Variants in TMTC2 observed in about 807,000 individuals in gnomAD.
The protein encoded by TMTC2 is transmembrane O-mannosyltransferase targeting cadherins 2, also known as protein O-mannosyl-transferase TMTC2.
A neutral mutation model predicts 82.4 loss-of-function variants in TMTC2; 43 were observed. The observed-to-expected ratio is 0.52, with a 90% CI of 0.41 to 0.67. The LOEUF (loss-of-function observed/expected upper bound fraction) is 0.67, where lower values mean the gene tolerates loss of function less well. TMTC2 is among the 30% of genes least tolerant of loss of function. The probability of loss-of-function intolerance (pLI) is 0.00; values close to 1 mark genes in which losing one functional copy is unlikely to be tolerated. For synonymous variants in TMTC2, 408 were observed against 381.9 expected (o/e 1.07, Z -0.80); for missense variants, 919 against 1,012.4 (o/e 0.91, Z 1.25).
rs1878131154 is a variant in TMTC2, at chr12:82,965,106, G to A, written c.1681G>A (p.Ala561Thr). 1 of 1,606,472 alleles carries A rather than the reference G, an allele frequency of 6.2e-7. No homozygotes were observed. The highest frequency in any genetic ancestry group is 1.3e-5 in the African/African-American group (1 of 74,570). ...KLAIGSRPTLASAYLNTGIIL... is the reference protein window; with the variant it reads ...KLAIGSRPTLTSAYLNTGIIL... ...GGCCATTGGGAGCAGGCCTACCCTG[G>A]CTTGTAAGTAATACTCAAGTGTTTA... Residue 561 changes from alanine to threonine, a missense_variant, in exon 5 of 12, where the codon GCT becomes ACT. Coordinates refer to ENST00000321196, the MANE Select transcript of TMTC2 (RefSeq NM_152588.3).
intron 11 of TMTC2, among the ~76,000 whole-genome samples, chr12:83,094,320 G>A (rs1346305558): frequency 1.3e-5 from 2 of 152,172 alleles, no homozygotes; most frequent in African/African-American, 4.8e-5. Flanking sequence ...CTGCTCTGGG[G>A]AGCATTTCCA....
intron 8 of TMTC2, among the ~76,000 whole-genome samples, chr12:83,011,061 C>G (rs1880434303): frequency 6.6e-6 from 1 of 152,190 alleles, no homozygotes; most frequent in Non-Finnish European, 1.5e-5. Flanking sequence ...TCTTGAACTC[C>G]TGACCTCAGG....
chr12:82,796,374 A>C (rs2137029695), intron 1 of TMTC2, among the ~76,000 whole-genome samples: 1 of 152,276 alleles, frequency 6.6e-6, no homozygotes, highest in South Asian at 2.1e-4. Context: ...TCTCATGGTA[A>C]ATTGAGCCCT....
chr12:82,821,402 G>A (rs1302416962), intron 1 of TMTC2, among the ~76,000 whole-genome samples: 1 of 152,116 alleles, frequency 6.6e-6, no homozygotes, highest in African/African-American at 2.4e-5. Flanking sequence ...ATCAACTCAT[G>A]TTGGTAATGA....
At chr12:82,971,856 C>A (rs1226629602) in intron 7 of TMTC2, among the ~76,000 whole-genome samples, 1 of 151,642 alleles carries the variant, frequency 6.6e-6, no homozygotes, top group Non-Finnish European at 1.5e-5. Flanking sequence ...AGCACAGAGG[C>A]AGCAGACATA....
chr12:83,007,293 T>G (rs143697586), intron 8 of TMTC2, among the ~76,000 whole-genome samples: 291 of 152,344 alleles, frequency 1.9e-3, no homozygotes, highest in African/African-American at 6.3e-3. Context: ...GTTGTTGATA[T>G]GAGCTCTTTG....
chr12:83,068,904 T>C (rs1471974654), intron 11 of TMTC2, among the ~76,000 whole-genome samples: 1 of 152,080 alleles, frequency 6.6e-6, no homozygotes, highest in Non-Finnish European at 1.5e-5. Context: ...GTATCATTCT[T>C]ATGCCTTTGC....
At chr12:83,049,028 T>C (rs1019188992) in intron 9 of TMTC2, among the ~76,000 whole-genome samples, 1 of 152,236 alleles carries the variant, frequency 6.6e-6, no homozygotes, top group Non-Finnish European at 1.5e-5. Context: ...GAAGAAATGG[T>C]CTTTTGCGTT....
chr12:82,866,216 A>G (rs2137128610), intron 2 of TMTC2, among the ~76,000 whole-genome samples: 1 of 151,442 alleles, frequency 6.6e-6, no homozygotes, highest in African/African-American at 2.4e-5. Flanking sequence ...AAAATCAATG[A>G]ATCCAGGAGC....
rs1880496998 is a variant in TMTC2, at chr12:83,012,287, T to C, written c.2071-18511T>C. On this transcript the variant is annotated intron_variant, in intron 8 of 11. Coordinates refer to ENST00000321196, the MANE Select transcript of TMTC2 (RefSeq NM_152588.3). ...ACAAAAAAATGAGAGAAGAAAAAAA[T>C]AAATATTAAAAGTTTGAAGGGATAA... 2.0e-5 allele frequency among the ~76,000 whole-genome samples: 3 copies of C among 152,028 alleles called. No homozygotes were observed. In the South Asian group the frequency reaches 6.2e-4, roughly 31 times the overall value.
At chr12:82,985,834 G>C (rs188423436) in intron 7 of TMTC2, 91 bp from the exon 8 acceptor site, 2 of 1,450,036 alleles carry the variant, frequency 1.4e-6, no homozygotes, top group African/African-American at 2.8e-5. Context: ...GAAATTCCAC[G>C]CAGTATGATG....
At chr12:83,101,510 A>G (rs1016872943) in intron 11 of TMTC2, among the ~76,000 whole-genome samples, 5 of 152,188 alleles carry the variant, frequency 3.3e-5, no homozygotes, top group Admixed American at 1.3e-4. Flanking sequence ...GTTGTACAAT[A>G]TTGTCAATCC....
At chr12:82,747,829 C>T (rs1289382436) in intron 1 of TMTC2, among the ~76,000 whole-genome samples, 1 of 152,086 alleles carries the variant, frequency 6.6e-6, no homozygotes, top group African/African-American at 2.4e-5. Flanking sequence ...TTTCCAGTAG[C>T]TTGTAGATAG....
At chr12:82,845,252 A>AAAATATAT (rs1555190264) in intron 1 of TMTC2, among the ~76,000 whole-genome samples, 1 of 38,804 alleles carries the variant, frequency 2.6e-5, no homozygotes, top group African/African-American at 1.0e-4. Flanking sequence ...AAAAAAAAAA[A>AAAATATAT]ATATATATAT....
At chr12:82,771,760 T>C (rs1379061503) in intron 1 of TMTC2, among the ~76,000 whole-genome samples, 2 of 152,156 alleles carry the variant, frequency 1.3e-5, no homozygotes, top group Non-Finnish European at 1.5e-5. Flanking sequence ...TAGAATTCCA[T>C]TTAACTTATA....
chr12:82,937,746 G>GTATATATATATATATATA (rs1876413785), intron 4 of TMTC2, among the ~76,000 whole-genome samples: 2 of 60,334 alleles, frequency 3.3e-5, no homozygotes, highest in African/African-American at 1.6e-4. Context: ...GTGTGTGTGT[G>GTATATATATATATATATA]TGTGTATATA....
intron 4 of TMTC2, among the ~76,000 whole-genome samples, chr12:82,949,717 AT>A (rs1184423228): frequency 1.3e-5 from 2 of 152,196 alleles, no homozygotes; most frequent in Admixed American, 1.3e-4. Flanking sequence ...ATATAATTAT[AT>A]GATAATAAAA....
chr12:82,765,130 A>G (rs1876877458), intron 1 of TMTC2, among the ~76,000 whole-genome samples: 1 of 152,134 alleles, frequency 6.6e-6, no homozygotes, highest in African/African-American at 2.4e-5. Flanking sequence ...CAGCCACATT[A>G]TTTAGGAACC....
At chr12:83,131,983 T>C (rs1388855001) in intron 11 of TMTC2, among the ~76,000 whole-genome samples, 2 of 152,234 alleles carry the variant, frequency 1.3e-5, no homozygotes, top group African/African-American at 4.8e-5. Flanking sequence ...AAAATACTAT[T>C]TCTCTAGAAG....
Sources: gnomAD v4.1 joint callset for allele counts (sites outside exome capture counted in the v4.1 genomes callset) on GRCh38, gnomAD v4.1.1 for gene constraint, MANE v1.5 for transcripts, NCBI Gene and HGNC (gene_info 2026-07-23, HGNC 2026-07-21) for gene names.